The following MYO1F variants were observed in gnomAD, a reference collection of about 807,000 sequenced individuals.
MYO1F encodes unconventional myosin-If.
Under a neutral mutation model 146.6 loss-of-function variants are expected in MYO1F, and 60 were observed. The ratio of observed to expected loss-of-function variants is 0.41; its 90% CI spans 0.33 to 0.51. MYO1F has a LOEUF of 0.51. Ranked by LOEUF, MYO1F falls within the 20% of genes least tolerant of loss-of-function variation. The probability of loss-of-function intolerance (pLI) is 0.25; values close to 1 mark genes in which losing one functional copy is unlikely to be tolerated. For synonymous variants in MYO1F, 602 were observed against 602.1 expected (o/e 1.00, Z 0.00); for missense variants, 1,274 against 1,534.3 (o/e 0.83, Z 2.83).
At chr19:8,538,044 T>C (rs1481711696) in intron 16 of MYO1F, among the ~76,000 whole-genome samples, 1 of 152,020 alleles carries the variant, frequency 6.6e-6, no homozygotes, top group Non-Finnish European at 1.5e-5. Context: ...TGATCTCGGC[T>C]CACTGCAACC....
At chr19:8,564,073 AG>A (rs1335429190) in intron 1 of MYO1F, among the ~76,000 whole-genome samples, 1 of 152,058 alleles carries the variant, frequency 6.6e-6, no homozygotes, top group East Asian at 1.9e-4. Context: ...AGGCCTAATT[AG>A]GTGTTTTTAT....
Position 8,577,245 on chromosome 19 carries a change from A to G in MYO1F, c.3+62T>C. 1 of 1,595,992 alleles carries G rather than the reference A, an allele frequency of 6.3e-7. No homozygotes were observed. The highest frequency in any genetic ancestry group is 1.1e-5 in the South Asian group (1 of 89,236). On this transcript the variant is annotated intron_variant, in intron 1 of 27. Transcript: ENST00000644032. The surrounding 1 kb of genome is among the most constrained non-coding windows in gnomAD (Gnocchi z 4.3). Reference sequence around the variant, plus strand: ...AATTTCTGATGGTCATTTTTAGGACACCTCCACCTGGCTGGTGTCCCTCCT... The same window carrying G: ...AATTTCTGATGGTCATTTTTAGGACGCCTCCACCTGGCTGGTGTCCCTCCT...
At chr19:8,521,904 C>T (rs1230071823) in intron 27 of MYO1F, among the ~76,000 whole-genome samples, 2 of 152,164 alleles carry the variant, frequency 1.3e-5, no homozygotes, top group African/African-American at 4.8e-5. Flanking sequence ...ATCCTCCTGC[C>T]TCAGCCACTG....
intron 1 of MYO1F, among the ~76,000 whole-genome samples, chr19:8,558,437 A>G (rs1973946135): frequency 6.6e-6 from 1 of 152,048 alleles, no homozygotes; most frequent in Non-Finnish European, 1.5e-5. Context: ...AAGTGCTGGA[A>G]TTTCAGGCAT....
intron 1 of MYO1F, among the ~76,000 whole-genome samples, chr19:8,564,268 C>T (rs1038024170): frequency 6.6e-6 from 1 of 152,102 alleles, no homozygotes; most frequent in Non-Finnish European, 1.5e-5. Context: ...GTAATCCCAG[C>T]TACTTGGGAG....
intron 1 of MYO1F, among the ~76,000 whole-genome samples, chr19:8,575,536 C>T (rs2042225000): frequency 1.3e-5 from 2 of 151,918 alleles, no homozygotes; most frequent in Admixed American, 1.3e-4. Context: ...CTCTGTGACC[C>T]GATAGGGCTC....
chr19:8,547,234 T>C (rs1363846089), intron 12 of MYO1F, among the ~76,000 whole-genome samples: 1 of 139,884 alleles, frequency 7.1e-6, no homozygotes, highest in Non-Finnish European at 1.5e-5. Flanking sequence ...CCAGGAGGTG[T>C]AGACTGCAGT....
intron 1 of MYO1F, among the ~76,000 whole-genome samples, chr19:8,570,429 T>C (rs552143488): frequency 6.6e-6 from 1 of 151,358 alleles, no homozygotes. Context: ...GTGAGTGCAG[T>C]GGCATGACCT....
chr19:8,544,523 C>T, intron 13 of MYO1F, 59 bp from the exon 14 acceptor site: 1 of 1,554,082 alleles, frequency 6.4e-7, no homozygotes, highest in Non-Finnish European at 8.7e-7. Flanking sequence ...CTCCCCACAG[C>T]TCGTCAGTGC....
At chr19:8,546,056 C>CTTTTTTT (rs58638075) in intron 12 of MYO1F, among the ~76,000 whole-genome samples, 48 of 94,934 alleles carry the variant, frequency 5.1e-4, no homozygotes, top group East Asian at 6.2e-4. Flanking sequence ...TATTTTGACT[C>CTTTTTTT]TTTTTTTTTT....
chr19:8,532,901 A>AAAAAAATATATATAT (rs1172873322), intron 19 of MYO1F, among the ~76,000 whole-genome samples: 45 of 47,842 alleles, frequency 9.4e-4, no homozygotes, highest in African/African-American at 4.1e-3. Context: ...AAAAAAAAAA[A>AAAAAAATATATATAT]ATACACACAC....
chr19:8,559,636 C>T (rs949498435), intron 1 of MYO1F, among the ~76,000 whole-genome samples: 7 of 151,858 alleles, frequency 4.6e-5, no homozygotes, highest in African/African-American at 1.2e-4. Context: ...GAGGATAGAC[C>T]GAGGCTGAGG....
At chr19:8,574,577 T>TTCTTTCTTTCTTTCTTTCTTTCTCTCTC (rs1335184271) in intron 1 of MYO1F, among the ~76,000 whole-genome samples, 1 of 79,754 alleles carries the variant, frequency 1.3e-5, no homozygotes, top group Non-Finnish European at 2.4e-5. Flanking sequence ...CTTTCTTTCT[T>TTCTTTCTTTCTTTCTTTCTTTCTCTCTC]TCTCTCTCTC....
intron 1 of MYO1F, among the ~76,000 whole-genome samples, chr19:8,562,265 C>T (rs1568369973): frequency 1.3e-5 from 2 of 151,620 alleles, no homozygotes. Context: ...CCTCACAAAG[C>T]ACTGGGATTA....
intron 14 of MYO1F, chr19:8,544,003 TGGC>T (rs1470349869): frequency 4.2e-5 from 14 of 329,614 alleles, no homozygotes; most frequent in Admixed American, 1.7e-4. Flanking sequence ...GTGCTGGTGG[TGGC>T]GGTGGCGGTG....
intron 19 of MYO1F, among the ~76,000 whole-genome samples, chr19:8,533,455 C>T (rs1372438116): frequency 6.6e-6 from 1 of 151,516 alleles, no homozygotes; most frequent in African/African-American, 2.4e-5. Flanking sequence ...CCTGGGTTCA[C>T]GCCATTCTCC....
intron 1 of MYO1F, among the ~76,000 whole-genome samples, chr19:8,574,491 A>G (rs1555732764): frequency 6.6e-6 from 1 of 150,662 alleles, no homozygotes; most frequent in African/African-American, 2.4e-5. Context: ...GGGGCATTAG[A>G]TTTTCTTTTC....
rs1972049092 is a variant in MYO1F, at chr19:8,521,132, T to G, written c.*396A>C. ...CGTGCTTTCACCTGGCAAAGGTTTA[T>G]TGCCTTAGTGATGACAGAATGAGCA... On this transcript the variant is annotated 3_prime_UTR_variant, in exon 28 of 28. Transcript: ENST00000644032. 1 of 322,740 alleles carries G rather than the reference T, an allele frequency of 3.1e-6. No individual in the cohort carries two copies. The highest frequency in any genetic ancestry group is 1.1e-3 in the Middle Eastern group (1 of 924). The allele number at this position is 322,740 out of a possible 1,614,324, so 20.0% of individuals were successfully genotyped here.
intron 1 of MYO1F, among the ~76,000 whole-genome samples, chr19:8,558,125 A>T (rs965251877): frequency 4.0e-5 from 6 of 150,918 alleles, no homozygotes; most frequent in Non-Finnish European, 7.4e-5. Flanking sequence ...TTAGGTTGCC[A>T]TTTTTTTCAT....
Sources: gnomAD v4.1 joint callset for allele counts (sites outside exome capture counted in the v4.1 genomes callset) on GRCh38, gnomAD v4.1.1 for gene constraint, Gnocchi (gnomAD v3.1) non-coding constraint, MANE v1.5 for transcripts, NCBI Gene and HGNC (gene_info 2026-07-23, HGNC 2026-07-21) for gene names.